The following RAB31 variants were observed in gnomAD, a reference collection of about 807,000 sequenced individuals.
The protein encoded by RAB31 is RAB31, member RAS oncogene family.
A neutral mutation model predicts 25.6 loss-of-function variants in RAB31; 21 were observed. The observed-to-expected ratio is 0.82, with a 90% confidence interval of 0.58 to 1.18. The LOEUF is 1.18. Among genes scored for constraint, RAB31 ranks in the 50% most tolerant of loss-of-function variants. The pLI, the probability that RAB31 is intolerant of heterozygous loss-of-function variation, is 0.00. For synonymous variants in RAB31, 87 were observed against 84.0 expected, an observed-to-expected ratio of 1.04 and a Z score of -0.20; for missense variants, 196 against 250.1, an observed-to-expected ratio of 0.78 and a Z score of 1.46.
At chr18:9,855,719 C>A (rs559605028) in intron 6 of RAB31, among the ~76,000 whole-genome samples, 1 of 152,256 alleles carries the variant, frequency 6.6e-6, no homozygotes, top group Non-Finnish European at 1.5e-5. Context: ...TCTTTCTCTG[C>A]GTGGAAGCAT....
intron 5 of RAB31, among the ~76,000 whole-genome samples, chr18:9,825,459 C>T (rs561220878): frequency 6.6e-6 from 1 of 152,284 alleles, no homozygotes. Context: ...GTAACCTTGC[C>T]TCAGTGGTTT....
At chr18:9,765,658 A>G (rs938413059) in intron 1 of RAB31, among the ~76,000 whole-genome samples, 1 of 152,184 alleles carries the variant, frequency 6.6e-6, no homozygotes, top group African/African-American at 2.4e-5. Flanking sequence ...AAACAGGCCC[A>G]GTAAGTCTGT....
At chr18:9,850,582 A>G (rs956871197) in intron 6 of RAB31, among the ~76,000 whole-genome samples, 10 of 152,380 alleles carry the variant, frequency 6.6e-5, no homozygotes, top group Admixed American at 2.6e-4. Flanking sequence ...CAGTTAATTT[A>G]AGTGTTGACT....
chr18:9,771,720 C>G (rs933242062), intron 1 of RAB31, among the ~76,000 whole-genome samples: 1 of 152,174 alleles, frequency 6.6e-6, no homozygotes, highest in Non-Finnish European at 1.5e-5. Flanking sequence ...GGAACTGCAT[C>G]CACTTGAGCG....
At chr18:9,809,072 G>T (rs942800929) in intron 3 of RAB31, among the ~76,000 whole-genome samples, 11 of 152,216 alleles carry the variant, frequency 7.2e-5, no homozygotes, top group African/African-American at 2.7e-4. Context: ...GCACGCGTGG[G>T]TGTGCGAGCA....
intron 2 of RAB31, among the ~76,000 whole-genome samples, chr18:9,780,691 G>C (rs1011572516): frequency 2.0e-5 from 3 of 152,196 alleles, no homozygotes; most frequent in Non-Finnish European, 4.4e-5. Context: ...AGCACTTTGG[G>C]AGGCCAAGGC....
intron 5 of RAB31, among the ~76,000 whole-genome samples, chr18:9,818,879 A>G (rs2068612153): frequency 6.6e-6 from 1 of 152,182 alleles, no homozygotes; most frequent in South Asian, 2.1e-4. Flanking sequence ...CTAATGACTA[A>G]TGATGTTAAT....
chr18:9,733,401 A>G (rs1177087008), intron 1 of RAB31, among the ~76,000 whole-genome samples: 1 of 152,188 alleles, frequency 6.6e-6, no homozygotes, highest in Non-Finnish European at 1.5e-5. Flanking sequence ...CCCTGACTGC[A>G]GTGTGGCTCC....
At chr18:9,772,054 A>G (rs1013011058) in intron 1 of RAB31, among the ~76,000 whole-genome samples, 2 of 152,208 alleles carry the variant, frequency 1.3e-5, no homozygotes, top group African/African-American at 4.8e-5. Context: ...AACATTGAGC[A>G]TTGTCAAGTG....
intron 1 of RAB31, among the ~76,000 whole-genome samples, chr18:9,741,116 C>A (rs2068176417): frequency 6.6e-6 from 1 of 152,040 alleles, no homozygotes; most frequent in Non-Finnish European, 1.5e-5. Context: ...TGGCTCACGC[C>A]TGTAATCCCA....
chr18:9,778,269 G>A (rs960792177), intron 2 of RAB31, among the ~76,000 whole-genome samples: 2 of 152,136 alleles, frequency 1.3e-5, no homozygotes, highest in Admixed American at 6.5e-5. Context: ...GGCAGGAGCC[G>A]TGTGTGCATG....
intron 1 of RAB31, among the ~76,000 whole-genome samples, chr18:9,759,724 G>A (rs1361460447): frequency 6.6e-6 from 1 of 152,162 alleles, no homozygotes; most frequent in East Asian, 1.9e-4. Context: ...GCTATCCCGA[G>A]ACCTGTTTCC....
intron 5 of RAB31, among the ~76,000 whole-genome samples, chr18:9,834,998 G>A (rs1040758439): frequency 6.6e-6 from 1 of 152,126 alleles, no homozygotes; most frequent in African/African-American, 2.4e-5. Context: ...TATTATCACT[G>A]CCAACCCTAA....
intron 3 of RAB31, among the ~76,000 whole-genome samples, chr18:9,807,671 C>T (rs2068548872): frequency 1.3e-5 from 2 of 152,084 alleles, no homozygotes; most frequent in Admixed American, 1.3e-4. Context: ...ATTACATTGT[C>T]TTTTAAAAAA....
intron 1 of RAB31, among the ~76,000 whole-genome samples, chr18:9,758,876 A>G (rs1173200477): frequency 6.6e-6 from 1 of 152,140 alleles, no homozygotes; most frequent in Non-Finnish European, 1.5e-5. Context: ...CTTTGCTCTG[A>G]AAGTGCAGCA....
At chr18:9,798,163 G>A (rs1411628806) in intron 3 of RAB31, among the ~76,000 whole-genome samples, 2 of 152,192 alleles carry the variant, frequency 1.3e-5, no homozygotes, top group South Asian at 4.1e-4. Flanking sequence ...TTTAGTTTGG[G>A]ATAACGATTT....
intron 3 of RAB31, among the ~76,000 whole-genome samples, chr18:9,808,128 C>G (rs1484728055): frequency 6.6e-6 from 1 of 152,092 alleles, no homozygotes; most frequent in Non-Finnish European, 1.5e-5. Context: ...CTTCTAAAAC[C>G]CAGCTTCCTC....
chr18:9,740,039 G>C (rs531641453), intron 1 of RAB31, among the ~76,000 whole-genome samples: 2 of 152,290 alleles, frequency 1.3e-5, no homozygotes, highest in East Asian at 1.9e-4. Flanking sequence ...TCAGACCCTG[G>C]GGTGACGAGA....
intron 1 of RAB31, among the ~76,000 whole-genome samples, chr18:9,758,674 A>T (rs995752403): frequency 2.0e-5 from 3 of 152,182 alleles, no homozygotes; most frequent in African/African-American, 7.2e-5. Context: ...GTGAGGGTAG[A>T]CACATGGGAC....
Sources: allele counts gnomAD v4.1 joint callset (sites outside exome capture counted in the v4.1 genomes callset), GRCh38; gene constraint gnomAD v4.1.1; transcripts MANE v1.5; gene names NCBI Gene and HGNC (gene_info 2026-07-23, HGNC 2026-07-21).